KRT34: variants seen among roughly 807,000 people sequenced by gnomAD.
KRT34 encodes the protein keratin, type I cuticular Ha4.
A neutral mutation model predicts 41.7 loss-of-function variants in KRT34; 31 were observed. That is an observed-to-expected ratio of 0.74 (90% CI 0.56 to 1.00). The LOEUF is 1.00. Among genes scored for constraint, KRT34 ranks in the 50% least tolerant of loss-of-function variants. KRT34 has a pLI of 0.00. For synonymous variants in KRT34, 224 were observed against 212.9 expected (o/e 1.05, Z -0.45); for missense variants, 523 against 500.3 (o/e 1.05, Z -0.43).
At chr17:41,380,858 G>T (rs2017964812) in intron 3 of KRT34, among the ~76,000 whole-genome samples, 198 bp downstream of exon 3, 1 of 152,016 alleles carries the variant, frequency 6.6e-6, no homozygotes, top group Admixed American at 6.6e-5. Flanking sequence ...TCCAACACCT[G>T]CCTAACCCTC....
chr17:41,382,421 T>C, upstream of KRT34: 6 of 1,469,674 alleles, frequency 4.1e-6, no homozygotes, highest in Non-Finnish European at 5.6e-6. Context: ...AATATGCTAG[T>C]TAGATGCTTC....
At chr17:41,378,930 C>T (rs2017905884) in intron 6 of KRT34, 26 bp downstream of exon 6, 1 of 1,613,594 alleles carries the variant, frequency 6.2e-7, no homozygotes, top group Non-Finnish European at 8.5e-7. Context: ...CACATTCTTC[C>T]CAGACATTAT....
At chr17:41,382,370 CAT>C (rs766923526), upstream of KRT34, 1 of 1,606,014 alleles carries the variant, frequency 6.2e-7, no homozygotes, top group East Asian at 2.2e-5. Context: ...TGGCATACAG[CAT>C]AGTTTCCTTT....
At chr17:41,378,207 T>C in intron 6 of KRT34, 61 bp from the exon 7 acceptor site, 1 of 1,041,080 alleles carries the variant, frequency 9.6e-7, no homozygotes, top group Non-Finnish European at 1.5e-6. Context: ...CACAATACCT[T>C]GGGCTTAATG....
chr17:41,379,681 C>T lies in KRT34; in HGVS notation c.639G>A (p.Val213=). ...TCAGGTCCACAGTGGGGGCAGTGTC[C>T]ACCTCCACGTTGAGGCGGTCTCCAA... ...SQLGDRLNVE[V]DTAPTVDLNQ... Residue 213 remains valine (V), a synonymous_variant, in exon 4 of 7, where the codon GTG becomes GTA. Transcript: ENST00000394001. 1 of 1,613,950 alleles carries T rather than the reference C, an allele frequency of 6.2e-7. No individual in the cohort carries two copies. The highest frequency in any genetic ancestry group is 2.2e-5 in the East Asian group (1 of 44,890).
At chr17:41,383,373 G>A (rs2018035590), upstream of KRT34, among the ~76,000 whole-genome samples, 1 of 152,150 alleles carries the variant, frequency 6.6e-6, no homozygotes. Context: ...ATTGTATATG[G>A]CTGCTTTTGT....
intron 6 of KRT34, 120 bp from the exon 7 acceptor site, chr17:41,378,266 TTTTTG>T (rs1382396647): frequency 2.3e-5 from 17 of 736,754 alleles, no homozygotes; most frequent in Non-Finnish European, 2.6e-5. Context: ...AATCAAGTTC[TTTTTG>T]TTTTGTTTTG....
At chr17:41,380,949 T>C in intron 3 of KRT34, 107 bp downstream of exon 3, 1 of 1,059,398 alleles carries the variant, frequency 9.4e-7, no homozygotes, top group East Asian at 2.4e-5. Flanking sequence ...ACATCTTGAG[T>C]TCCTCAGAGA....
At chr17:41,382,384 C>G, upstream of KRT34, 1 of 1,595,064 alleles carries the variant, frequency 6.3e-7, no homozygotes, top group East Asian at 2.2e-5. Flanking sequence ...GTTTCCTTTC[C>G]TAATGCTTCA....
At chr17:41,382,999 T>G (rs1041343355), upstream of KRT34, among the ~76,000 whole-genome samples, 3 of 151,676 alleles carry the variant, frequency 2.0e-5, no homozygotes, top group Admixed American at 2.0e-4. Context: ...TTTTTGTAAA[T>G]AAAGTTTTTG....
Position 41,381,929 on chromosome 17 carries a change from GT to G in KRT34, c.317del (p.Tyr106SerfsTer24), listed in dbSNP as rs1208604554. 6.2e-7 allele frequency: 1 copy of G among 1,614,160 alleles called. No individual in the cohort carries two copies. The highest frequency in any genetic ancestry group is 2.2e-5 in the East Asian group (1 of 44,906). On this transcript the variant is annotated frameshift_variant, in exon 1 of 7. Transcript: ENST00000394001. LOFTEE classifies it high-confidence loss of function. The stretch of plus-strand genomic sequence containing the variant: ...GCTGGAGCTCCTCAATGGTCTTGAA[GT>G]AGGACTGGTAGCTGGGGCACAGCAA... ...EPLLCPSYQS[Y>X]FKTIEELQQK...
chr17:41,379,783 C>T lies in KRT34; in HGVS notation c.589-52G>A, dbSNP rs368397378. The T allele has an allele frequency of 3.3e-6, 5 of 1,537,696 alleles. No homozygotes were observed. The East Asian group carries it at 6.8e-5, about 21-fold the overall frequency. On this transcript the variant is annotated intron_variant, in intron 3 of 6. Coordinates refer to ENST00000394001, the MANE Select transcript of KRT34 (RefSeq NM_001386014.1). ...CCTACGGCAATGGATCTGCCATTTT[C>T]CTGCTCCAGGGAAATGAGCACAATA... is the stretch of plus-strand genomic sequence containing the variant.
In KRT34 at chr17:41,381,066, T is replaced by A; in HGVS notation, c.578A>T (p.Asn193Ile). 1 of 1,614,120 alleles carries A rather than the reference T, an allele frequency of 6.2e-7. No individual in the cohort carries two copies. The highest frequency in any genetic ancestry group is 8.5e-7 in the Non-Finnish European group (1 of 1,180,022). Residue 193 changes from asparagine (N) to isoleucine (I), a missense_variant, in exon 3 of 7, where the codon AAC becomes ATC. Transcript: ENST00000394001. The stretch of plus-strand genomic sequence containing the variant: ...GAATTTGTTTCATACCTCCTCATGG[T>A]TCTTCTTCAAGCAGATCAGCTCCTC... ...LREELICLKKNHEEEVNTLRS... is the reference protein window; with the variant it reads ...LREELICLKKIHEEEVNTLRS...
upstream of KRT34, chr17:41,382,314 T>C (rs1210338968): frequency 6.2e-7 from 1 of 1,613,390 alleles, no homozygotes; most frequent in Non-Finnish European, 8.5e-7. Context: ...TTTGAGTCTC[T>C]CCTTCCTCTG....
chr17:41,378,853 T>A, intron 6 of KRT34, 103 bp downstream of exon 6: 1 of 1,459,852 alleles, frequency 6.9e-7, no homozygotes, highest in Non-Finnish European at 9.5e-7. Context: ...TGCTACACAG[T>A]TAATGTGTGT....
upstream of KRT34, chr17:41,382,501 C>T (rs2018016583): frequency 2.5e-6 from 2 of 785,818 alleles, no homozygotes; most frequent in South Asian, 3.7e-5. Flanking sequence ...TTCCTGGGTG[C>T]TAGTGGTTGG....
chr17:41,379,122 G>C lies in KRT34; in HGVS notation c.931C>G (p.Leu311Val), dbSNP rs775618483. The C allele has an allele frequency of 5.0e-6, 8 of 1,614,240 alleles. No individual in the cohort carries two copies. In the South Asian group the frequency reaches 8.8e-5, roughly 18 times the overall value. ...TESEAHYSSQ[L>V]SQVQSLITNV... is the part of the protein sequence containing the mutation. ...GTGATCAGGCTCTGCACCTGGGACA[G>C]CTGGGAGCTGTAGTGGGCCTCGCTC... The change falls in exon 6 of 7, where the codon CTG becomes GTG. Residue 311 changes from leucine to valine, a missense_variant. Leu to Val is a conservative substitution (Grantham distance 32). Coordinates refer to ENST00000394001, the MANE Select transcript of KRT34 (RefSeq NM_001386014.1).
Position 41,377,990 on chromosome 17 carries a change from G to T in KRT34, c.*69C>A. On this transcript the variant is annotated 3_prime_UTR_variant, in exon 7 of 7. Transcript: ENST00000394001. ...GTCAGCTGAGCTCCAGAAAAGTCAG[G>T]ACTTGAGGATCCTTCCTGTGGTTGA... 8.6e-7 allele frequency: 1 copy of T among 1,166,574 alleles called. No individual in the cohort carries two copies. The highest frequency in any genetic ancestry group is 1.3e-5 in the South Asian group (1 of 78,698). The allele number at this position is 1,166,574 out of a possible 1,614,324, so 72.3% of individuals were successfully genotyped here.
chr17:41,380,805 A>C (rs1597699646), intron 3 of KRT34, among the ~76,000 whole-genome samples: 1 of 152,172 alleles, frequency 6.6e-6, no homozygotes, highest in African/African-American at 2.4e-5. Context: ...AGCAGTGATC[A>C]GCAGAGAGCA....
Sources: allele counts gnomAD v4.1 joint callset (sites outside exome capture counted in the v4.1 genomes callset), GRCh38; gene constraint gnomAD v4.1.1; transcripts MANE v1.5; gene names NCBI Gene and HGNC (gene_info 2026-07-23, HGNC 2026-07-21).